STK33: variants seen among roughly 807,000 people sequenced by gnomAD.
STK33 encodes serine/threonine-protein kinase 33.
In STK33, 52 loss-of-function variants were observed where a neutral mutation model predicts 58.0. The ratio of observed to expected loss-of-function variants is 0.90; its 90% CI spans 0.72 to 1.13. The LOEUF is 1.13. Ranked by LOEUF, STK33 falls within the 50% of genes most tolerant of loss-of-function variation. The probability of loss-of-function intolerance (pLI) is 0.00; values close to 1 mark genes in which losing one functional copy is unlikely to be tolerated. For synonymous variants in STK33, 215 were observed against 200.1 expected (o/e 1.07, Z -0.63); for missense variants, 630 against 604.2 (o/e 1.04, Z -0.45).
chr11:8,520,987 C>T (rs929817721), intron 1 of STK33, among the ~76,000 whole-genome samples: 3 of 150,660 alleles, frequency 2.0e-5, no homozygotes, highest in South Asian at 2.1e-4. Flanking sequence ...GGATCTTTAT[C>T]TAAATTTATA....
At chr11:8,488,024 G>C (rs565439289) in intron 1 of STK33, among the ~76,000 whole-genome samples, 1 of 152,258 alleles carries the variant, frequency 6.6e-6, no homozygotes, top group Admixed American at 6.5e-5. Context: ...TCCTGGTGCA[G>C]CTTAACAGCT....
Position 8,557,189 on chromosome 11 carries a change from G to A in STK33, c.-466+36894C>T, listed in dbSNP as rs9704806. Reference sequence around the variant, plus strand: ...TCACTGGAGCCTGGGAGGTCAAGGCGGCAGTGAGCCTTGATTGTGCCACTG... The same window carrying A: ...TCACTGGAGCCTGGGAGGTCAAGGCAGCAGTGAGCCTTGATTGTGCCACTG... On this transcript the variant is annotated intron_variant, in intron 1 of 15. Coordinates refer to ENST00000687296, the MANE Select transcript of STK33 (RefSeq NM_001352389.2). Among the ~76,000 whole-genome samples the A allele has an allele frequency of 2.5e-5, 2 of 78,484 alleles. 1 individual carries two copies. The highest frequency in any genetic ancestry group is 5.6e-5 in the Non-Finnish European group (2 of 35,662). 51.5% of individuals were successfully genotyped at this position (78,484 alleles called of 152,430 possible).
chr11:8,448,923 A>C lies in STK33; in HGVS notation c.871+3899T>G, dbSNP rs995245642. Reference sequence around the variant, plus strand: ...AATATCCAGAATCTACAATGAACTCAAACAAATTTACAAGAAAAAACAAAC... The same window carrying C: ...AATATCCAGAATCTACAATGAACTCCAACAAATTTACAAGAAAAAACAAAC... On this transcript the variant is annotated intron_variant, in intron 11 of 15. Coordinates refer to ENST00000687296, the MANE Select transcript of STK33 (RefSeq NM_001352389.2). Among the ~76,000 whole-genome samples the C allele has an allele frequency of 1.1e-4, 16 of 150,074 alleles. 1 individual carries two copies. Among genetic ancestry groups the C allele is most frequent in the African/African-American group, 3.8e-4 (15 of 39,454 alleles).
intron 15 of STK33, among the ~76,000 whole-genome samples, chr11:8,412,442 A>C (rs942871615): frequency 1.3e-5 from 2 of 152,208 alleles, no homozygotes; most frequent in African/African-American, 4.8e-5. Flanking sequence ...CATTTGCTAT[A>C]AAGTAATGAA....
the STK33 span, among the ~76,000 whole-genome samples, chr11:8,355,983 C>T: frequency 1.3e-5 from 2 of 152,174 alleles, no homozygotes; most frequent in Non-Finnish European, 2.9e-5. Context: ...GAGTTTGAGC[C>T]AGGAGCTTCT....
At chr11:8,408,227 T>C (rs1164283647) in intron 15 of STK33, among the ~76,000 whole-genome samples, 1 of 152,210 alleles carries the variant, frequency 6.6e-6, no homozygotes, top group East Asian at 1.9e-4. Flanking sequence ...CCCAAATTAA[T>C]ACATTTGAAA....
At chr11:8,413,373 G>T in intron 15 of STK33, 122 bp downstream of exon 15, 1 of 1,020,090 alleles carries the variant, frequency 9.8e-7, no homozygotes, top group Non-Finnish European at 1.5e-6. Context: ...AACTTTACTT[G>T]CTATATAACG....
the STK33 span, among the ~76,000 whole-genome samples, chr11:8,369,009 G>T: frequency 6.6e-6 from 1 of 152,182 alleles, no homozygotes; most frequent in South Asian, 2.1e-4. Flanking sequence ...CCGGTTAGGG[G>T]ACAGAGAGAG....
the STK33 span, among the ~76,000 whole-genome samples, chr11:8,339,249 C>A: frequency 6.6e-6 from 1 of 152,186 alleles, no homozygotes; most frequent in East Asian, 1.9e-4. Flanking sequence ...CTCCTGCAAT[C>A]CAGGCACGGG....
At chr11:8,525,424 A>G (rs1231201909) in intron 1 of STK33, among the ~76,000 whole-genome samples, 1 of 152,238 alleles carries the variant, frequency 6.6e-6, no homozygotes, top group East Asian at 1.9e-4. Context: ...AATATATAGA[A>G]CAGTGACACA....
At chr11:8,568,668 C>T (rs923168101) in intron 1 of STK33, among the ~76,000 whole-genome samples, 2 of 152,128 alleles carry the variant, frequency 1.3e-5, no homozygotes, top group African/African-American at 4.8e-5. Flanking sequence ...TCACTAAGTA[C>T]AGTTCCATAA....
the STK33 span, among the ~76,000 whole-genome samples, chr11:8,344,413 A>T: frequency 1.1e-4 from 17 of 152,282 alleles, no homozygotes; most frequent in Non-Finnish European, 1.3e-4. Context: ...AACAGCAAAC[A>T]CTTCTATAGC....
At chr11:8,546,195 G>A (rs1315756694) in intron 1 of STK33, among the ~76,000 whole-genome samples, 4 of 152,152 alleles carry the variant, frequency 2.6e-5, no homozygotes, top group African/African-American at 9.7e-5. Flanking sequence ...GAAGGCACAG[G>A]TCATTATTGC....
intron 15 of STK33, among the ~76,000 whole-genome samples, chr11:8,396,850 G>A (rs929908608): frequency 6.6e-6 from 1 of 152,200 alleles, no homozygotes. Flanking sequence ...TACACCCATG[G>A]AGCCTCGCTC....
chr11:8,516,426 G>A (rs966085978), intron 1 of STK33, among the ~76,000 whole-genome samples: 6 of 152,194 alleles, frequency 3.9e-5, no homozygotes, highest in African/African-American at 7.2e-5. Context: ...AGCTCCCAGC[G>A]TGAGCGACAA....
At position 8,457,414 on chromosome 11, in the gene STK33, C is replaced by T. The variant is rs201658119; in HGVS notation, c.624G>A (p.Gly208=). The change falls in exon 9 of 16, where the codon GGG becomes GGA. Residue 208 remains glycine (G), a synonymous_variant. Transcript: ENST00000687296. ...GELKEILDRK[G]HFSENETRWI... ...ACCTTGTCTCATTCTCTGAGAAATG[C>T]CCTTTCCTATCCAGAATTTCTTTGA... The T allele has an allele frequency of 6.2e-7, 1 of 1,607,726 alleles. No individual in the cohort carries two copies.
chr11:8,474,997 A>G lies in STK33; in HGVS notation c.-92T>C, dbSNP rs564907286. On this transcript the variant is annotated 5_prime_UTR_variant, in exon 5 of 16. Coordinates refer to ENST00000687296, the MANE Select transcript of STK33 (RefSeq NM_001352389.2). ...AAAAAGGATAAGGTAGTTGATGGTG[A>G]AAACTGTAATTTCGAACTGGTGAAG... The G allele has an allele frequency of 1.6e-4, 196 of 1,263,652 alleles. 2 individuals carry two copies. The South Asian group carries it at 2.2e-3, about 14-fold the overall frequency. 78.3% of individuals were successfully genotyped at this position (1,263,652 alleles called of 1,614,324 possible).
At chr11:8,458,226 G>A (rs2137145327) in intron 8 of STK33, among the ~76,000 whole-genome samples, 1 of 152,258 alleles carries the variant, frequency 6.6e-6, no homozygotes, top group African/African-American at 2.4e-5. Context: ...TATTGGCTTT[G>A]AAGGCCATGG....
rs1410007875 is a variant in STK33 at position 8,402,132 on chromosome 11, T to TATACCATA, written c.1345-9423_1345-9422insTATGGTAT. Among the ~76,000 whole-genome samples the TATACCATA allele has an allele frequency of 5.9e-5, 9 of 152,254 alleles. No homozygotes were observed. The East Asian group carries it at 1.7e-3, about 29-fold the overall frequency. ...CATTACTTGGTATATACCCAAAGGA[T>TATACCATA]TATAAATCATGCTGCTATAAAGACA... On this transcript the variant is annotated intron_variant, in intron 15 of 15. Transcript: ENST00000687296.
Sources: gnomAD v4.1 joint callset for allele counts (sites outside exome capture counted in the v4.1 genomes callset) on GRCh38, gnomAD v4.1.1 for gene constraint, MANE v1.5 for transcripts, NCBI Gene and HGNC (gene_info 2026-07-23, HGNC 2026-07-21) for gene names.